ARID4B: variants seen among roughly 807,000 people sequenced by gnomAD.
ARID4B encodes AT-rich interaction domain 4B, also known as AT-rich interactive domain-containing protein 4B.
Under a neutral mutation model 147.5 loss-of-function variants are expected in ARID4B, and 26 were observed. The ratio of observed to expected loss-of-function variants is 0.18; its 90% CI spans 0.13 to 0.24. ARID4B has a LOEUF of 0.24. Ranked by LOEUF, ARID4B falls within the 10% of genes least tolerant of loss-of-function variation. The probability of loss-of-function intolerance (pLI) is 1.00; values close to 1 mark genes in which losing one functional copy is unlikely to be tolerated. For missense variants in ARID4B, 1,179 were observed against 1,511.5 expected, an observed-to-expected ratio of 0.78 and a Z score of 3.65; for synonymous variants, 512 against 507.9, an observed-to-expected ratio of 1.01 and a Z score of -0.11.
intron 16 of ARID4B, among the ~76,000 whole-genome samples, chr1:235,216,132 C>T (rs1667057955): frequency 6.6e-6 from 1 of 151,966 alleles, no homozygotes; most frequent in African/African-American, 2.4e-5. Context: ...GGAAGTAAGT[C>T]CGTGTTCACG....
intron 19 of ARID4B, among the ~76,000 whole-genome samples, chr1:235,192,460 T>C (rs990447123): frequency 8.5e-5 from 13 of 152,170 alleles, no homozygotes; most frequent in African/African-American, 2.7e-4. Context: ...GTAGGATACA[T>C]GGGAAAATTT....
chr1:235,235,509 T>C (rs1009139080), intron 8 of ARID4B, among the ~76,000 whole-genome samples: 2 of 152,224 alleles, frequency 1.3e-5, no homozygotes, highest in African/African-American at 4.8e-5. Context: ...TATGAGTAAG[T>C]GGGCTCACTG....
At chr1:235,187,278 T>G (rs1664762312) in intron 19 of ARID4B, among the ~76,000 whole-genome samples, 1 of 151,886 alleles carries the variant, frequency 6.6e-6, no homozygotes, top group African/African-American at 2.4e-5. Flanking sequence ...GAGACGAGGT[T>G]TCTCCCTGTT....
At chr1:235,196,639 G>T (rs1007733808) in intron 17 of ARID4B, among the ~76,000 whole-genome samples, 1 of 152,016 alleles carries the variant, frequency 6.6e-6, no homozygotes, top group Non-Finnish European at 1.5e-5. Flanking sequence ...AGATCACGAA[G>T]TCAGGAGATC....
intron 2 of ARID4B, among the ~76,000 whole-genome samples, chr1:235,284,163 C>T (rs907563640): frequency 1.3e-5 from 2 of 152,116 alleles, no homozygotes; most frequent in African/African-American, 4.8e-5. Flanking sequence ...GAGTTCGACA[C>T]CAGCCTGGCC....
rs147357433 is a variant in ARID4B, at chr1:235,319,211, T to C, written c.6+7703A>G. Among the ~76,000 whole-genome samples the C allele has an allele frequency of 8.5e-5, 13 of 152,364 alleles. No homozygotes were observed. The East Asian group carries it at 2.3e-3, about 27-fold the overall frequency. On this transcript the variant is annotated intron_variant, in intron 2 of 23. Coordinates refer to ENST00000264183, the MANE Select transcript of ARID4B (RefSeq NM_016374.6). ...AACTTGTGAAAATACTAGAAATTTA[T>C]GAACACTTTAAAAAGGTGAATTTGG...
chr1:235,254,798 AATT>A (rs1461882609), intron 5 of ARID4B, among the ~76,000 whole-genome samples: 2 of 152,052 alleles, frequency 1.3e-5, no homozygotes, highest in African/African-American at 4.8e-5. Flanking sequence ...ACACAAATGA[AATT>A]ATGTTCCTTT....
At chr1:235,227,966 G>A (rs1178348427) in intron 11 of ARID4B, among the ~76,000 whole-genome samples, 1 of 151,420 alleles carries the variant, frequency 6.6e-6, no homozygotes, top group African/African-American at 2.4e-5. Flanking sequence ...CCGAGTAGCT[G>A]GGATTACAGG....
At chr1:235,312,205 G>A (rs1674096433) in intron 2 of ARID4B, among the ~76,000 whole-genome samples, 1 of 152,064 alleles carries the variant, frequency 6.6e-6, no homozygotes, top group South Asian at 2.1e-4. Flanking sequence ...AGAACTGCTT[G>A]AACCCGGGAG....
At chr1:235,315,783 A>G (rs1674384008) in intron 2 of ARID4B, among the ~76,000 whole-genome samples, 1 of 152,230 alleles carries the variant, frequency 6.6e-6, no homozygotes, top group Non-Finnish European at 1.5e-5. Context: ...GGTTATTCAC[A>G]GTTAGATACT....
At chr1:235,224,664 C>T (rs1298183582) in intron 12 of ARID4B, 39 bp downstream of exon 12, 1 of 1,389,694 alleles carries the variant, frequency 7.2e-7, no homozygotes, top group Non-Finnish European at 1.0e-6. Flanking sequence ...ATTATCTGTC[C>T]AAAACTTACC....
At chr1:235,306,509 A>C (rs1041942979) in intron 2 of ARID4B, among the ~76,000 whole-genome samples, 1 of 151,912 alleles carries the variant, frequency 6.6e-6, no homozygotes, top group Non-Finnish European at 1.5e-5. Context: ...TCTCAAAAAA[A>C]AAAAAAATTG....
chr1:235,262,716 T>C (rs543436851), intron 2 of ARID4B, among the ~76,000 whole-genome samples: 3 of 152,150 alleles, frequency 2.0e-5, no homozygotes, highest in African/African-American at 7.2e-5. Flanking sequence ...ACACCTGTAA[T>C]CCCAGCAATT....
At chr1:235,185,305 T>A (rs539526612) in intron 19 of ARID4B, among the ~76,000 whole-genome samples, 5 of 152,364 alleles carry the variant, frequency 3.3e-5, no homozygotes, top group African/African-American at 1.2e-4. Flanking sequence ...TCCTTTCTTA[T>A]ACAGCATTTT....
chr1:235,190,377 G>A (rs1222275493), intron 19 of ARID4B, among the ~76,000 whole-genome samples: 3 of 152,088 alleles, frequency 2.0e-5, no homozygotes, highest in African/African-American at 7.2e-5. Context: ...GAACCCAGGA[G>A]GCAGAGGCTG....
chr1:235,177,972 A>G (rs1459017235), intron 20 of ARID4B, 59 bp from the exon 21 acceptor site: 2 of 951,292 alleles, frequency 2.1e-6, no homozygotes, highest in African/African-American at 3.3e-5. Flanking sequence ...CTAAGTATAA[A>G]TTAATTCCAC....
intron 21 of ARID4B, among the ~76,000 whole-genome samples, chr1:235,175,976 A>C (rs760180579): frequency 2.0e-5 from 3 of 152,214 alleles, no homozygotes; most frequent in Non-Finnish European, 4.4e-5. Context: ...ACAATTCAGA[A>C]GTCTGTGTAA....
intron 3 of ARID4B, among the ~76,000 whole-genome samples, 180 bp from the exon 4 acceptor site, chr1:235,257,405 ATC>A: frequency 6.6e-6 from 1 of 152,292 alleles, no homozygotes; most frequent in Non-Finnish European, 1.5e-5. Context: ...CTCAGACCGT[ATC>A]TGTTTTCAAA....
At chr1:235,181,252 A>G (rs928102370) in intron 20 of ARID4B, 2 of 597,662 alleles carry the variant, frequency 3.3e-6, no homozygotes, top group Non-Finnish European at 4.6e-6. Context: ...TTACAGAAAT[A>G]GATTTAAGCT....
Sources: gnomAD v4.1 joint callset for allele counts (sites outside exome capture counted in the v4.1 genomes callset) on GRCh38, gnomAD v4.1.1 for gene constraint, MANE v1.5 for transcripts, NCBI Gene and HGNC (gene_info 2026-07-23, HGNC 2026-07-21) for gene names.